Variants in CIRBP observed in about 807,000 individuals in gnomAD.
CIRBP encodes cold inducible RNA binding protein.
In CIRBP, 11 loss-of-function variants were observed where a neutral mutation model predicts 22.3. The observed-to-expected ratio is 0.49, with a 90% confidence interval of 0.31 to 0.82. CIRBP has a LOEUF of 0.82. Among genes scored for constraint, CIRBP ranks in the 40% least tolerant of loss-of-function variants. CIRBP has a pLI of 0.05. For synonymous variants in CIRBP, 216 were observed against 158.8 expected (o/e 1.36, Z -2.71); for missense variants, 456 against 402.7 (o/e 1.13, Z -1.13).
chr19:1,272,018 G>A lies in CIRBP; in HGVS notation c.469G>A (p.Gly157Ser), dbSNP rs369012420. ...TGGTGGCTACAGTGACCGGAGCTCGGGCGGGTCCTACAGAGACAGTTATGA... is the reference window on the plus strand; with the variant it reads ...TGGTGGCTACAGTGACCGGAGCTCGAGCGGGTCCTACAGAGACAGTTATGA... The part of the protein sequence containing the change: ...QSGGYSDRSS[G>S]GSYRDSYDSY... The change falls in exon 6 of 6, where the codon GGC (glycine) becomes AGC (serine). Residue 157 changes from glycine (G) to serine (S), a missense_variant. Physicochemically the swap from Gly to Ser is moderately conservative, Grantham distance 56. This residue lies in a region of CIRBP where 426 missense variants were observed against 339.6 expected (regional missense o/e 1.25). Coordinates refer to ENST00000587896, the MANE Select transcript of CIRBP (RefSeq NM_001300829.2). The A allele has an allele frequency of 4.4e-5, 71 of 1,612,920 alleles. No individual in the cohort carries two copies. The Middle Eastern group carries it at 8.2e-4, about 19-fold the overall frequency.
At chr19:1,270,824 C>G in intron 1 of CIRBP, 104 bp from the exon 2 acceptor site, 1 of 815,236 alleles carries the variant, frequency 1.2e-6, no homozygotes, top group Admixed American at 2.1e-5. Context: ...ATCTGATTTT[C>G]TAATATTTCC....
chr19:1,272,364 C>G lies in CIRBP; in HGVS notation c.815C>G (p.Ser272Cys). 6.2e-7 allele frequency: 1 copy of G among 1,608,986 alleles called. No individual in the cohort carries two copies. The highest frequency in any genetic ancestry group is 1.7e-4 in the Middle Eastern group (1 of 6,040). ...PGRRPRPGLA[S>C]GVKLPLVASV... ...CGCAGGCCGCGCCCTGGTCTGGCCTCTGGGGTGAAGCTGCCTCTTGTTGCT... is the reference window on the plus strand; with the variant it reads ...CGCAGGCCGCGCCCTGGTCTGGCCTGTGGGGTGAAGCTGCCTCTTGTTGCT... Residue 272 changes from serine to cysteine, a missense_variant, in exon 6 of 6, where the codon TCT becomes TGT. Ser to Cys is a moderately radical substitution (Grantham distance 112). Around this residue, in one of 2 missense-constraint regions of CIRBP, gnomAD observed 426 missense variants for 339.6 expected, o/e 1.25. Transcript: ENST00000587896.
At position 1,271,329 on chromosome 19, in the gene CIRBP, T is replaced by C; in HGVS notation, c.211T>C (p.Ser71Pro). ...AACCCGTCCCGCCCTCTGTCTCCAG[T>C]CTGTAGATGGACGGCAGATCCGAGT... ...KDAMMAMNGK[S>P]VDGRQIRVDQ... The change falls in exon 4 of 6, where the codon TCT (serine) becomes CCT (proline). Residue 71 changes from serine to proline, a missense_variant and splice_region_variant. Physicochemically the swap from Ser to Pro is moderately conservative, Grantham distance 74. Transcript: ENST00000587896. The C allele has an allele frequency of 6.2e-7, 1 of 1,613,964 alleles. No individual in the cohort carries two copies.
rs181542504 is a variant in CIRBP at position 1,274,001 on chromosome 19, C to G, written c.*1558C>G. 2 of 267,274 alleles carry G rather than the reference C, an allele frequency of 7.5e-6. No individual in the cohort carries two copies. The highest frequency in any genetic ancestry group is 1.4e-5 in the Non-Finnish European group (2 of 143,294). 16.6% of individuals were successfully genotyped at this position (267,274 alleles called of 1,614,324 possible). A position where few individuals can be genotyped will look rare whatever the true frequency, so the allele number is the denominator to read the frequency against. ...CTTTTGGATTTTTTGCTCAATTGAC[C>G]GTCTTTTCCAGACCTCTTTAAGTCA... On this transcript the variant is annotated 3_prime_UTR_variant, in exon 6 of 6. Coordinates refer to ENST00000587896, the MANE Select transcript of CIRBP (RefSeq NM_001300829.2).
Position 1,271,650 on chromosome 19 carries a change from C to T in CIRBP, c.431+18C>T, listed in dbSNP as rs761651052. 7 of 1,451,608 alleles carry T rather than the reference C, an allele frequency of 4.8e-6. No homozygotes were observed. The East Asian group carries it at 9.1e-5, about 19-fold the overall frequency. 89.9% of individuals were successfully genotyped at this position (1,451,608 alleles called of 1,614,324 possible). On this transcript the variant is annotated intron_variant, in intron 5 of 5. Transcript: ENST00000587896. ...TATAGCAGGTGAGGGGGAGGCCGGC[C>T]CAAGCACAGGGGTGGTTGCGGGATG...
chr19:1,269,731 C>T (rs1028675815), intron 1 of CIRBP: 1 of 369,410 alleles, frequency 2.7e-6, no homozygotes, highest in East Asian at 7.2e-5. Flanking sequence ...CATGCGCACG[C>T]GGCGGGGGCG....
intron 2 of CIRBP, 23 bp downstream of exon 2, chr19:1,271,059 G>T: frequency 6.2e-7 from 1 of 1,611,456 alleles, no homozygotes; most frequent in Non-Finnish European, 8.5e-7. Flanking sequence ...CTGGGCCCGC[G>T]GCCCTGGGCG....
At position 1,271,553 on chromosome 19, in the gene CIRBP, G is replaced by A; in HGVS notation, c.352G>A (p.Gly118Arg). 2 of 1,588,514 alleles carry A rather than the reference G, an allele frequency of 1.3e-6. No homozygotes were observed. The highest frequency in any genetic ancestry group is 1.1e-5 in the South Asian group (1 of 87,672). ...CTCACTTTTTCCTGTATGTGCAGGAGGAGGGGACCGAGGCTATGGGGGGAA... is the reference window on the plus strand; with the variant it reads ...CTCACTTTTTCCTGTATGTGCAGGAAGAGGGGACCGAGGCTATGGGGGGAA... The part of the protein sequence containing the change: ...RGRGRGFSRG[G>R]GDRGYGGNRF... The change falls in exon 5 of 6, where the codon GGA becomes AGA. Residue 118 changes from glycine to arginine, a missense_variant and splice_region_variant. Physicochemically the swap from Gly to Arg is moderately radical, Grantham distance 125. Around this residue, in one of 2 missense-constraint regions of CIRBP, gnomAD observed 426 missense variants for 339.6 expected, o/e 1.25. Coordinates refer to ENST00000587896, the MANE Select transcript of CIRBP (RefSeq NM_001300829.2).
intron 1 of CIRBP, chr19:1,269,726 G>A: frequency 2.8e-6 from 1 of 363,466 alleles, no homozygotes; most frequent in Admixed American, 3.6e-5. Context: ...GGGCGCATGC[G>A]CACGCGGCGG....
rs1167003689 is a variant in CIRBP, at chr19:1,271,990, G to A, written c.441G>A (p.Gln147=). The A allele has an allele frequency of 6.2e-7, 1 of 1,608,142 alleles. No homozygotes were observed. The highest frequency in any genetic ancestry group is 2.2e-5 in the East Asian group (1 of 44,722). Residue 147 remains glutamine, a synonymous_variant, in exon 6 of 6, where the codon CAG becomes CAA. Transcript: ENST00000587896. ...GSRDYYSSRS[Q]SGGYSDRSSG... is the part of the protein sequence containing the mutation. ...TTTGTCTGTCTTGCAGCCGGAGTCA[G>A]AGTGGTGGCTACAGTGACCGGAGCT...
At position 1,273,238 on chromosome 19, in the gene CIRBP, C is replaced by G. The variant is rs1234426300; in HGVS notation, c.*795C>G. 6.6e-6 allele frequency: 1 copy of G among 152,202 alleles called. No homozygotes were observed. Among genetic ancestry groups the G allele is most frequent in the Non-Finnish European group, 1.5e-5 (1 of 68,082 alleles). 9.4% of individuals were successfully genotyped at this position (152,202 alleles called of 1,614,324 possible). On this transcript the variant is annotated 3_prime_UTR_variant, in exon 6 of 6. Coordinates refer to ENST00000587896, the MANE Select transcript of CIRBP (RefSeq NM_001300829.2). ...TTGCTGCGGGCTCCTGCAGCCAGAC[C>G]TGAGCAGAGAGAGAAGGTGGAGAAG...
In CIRBP at chr19:1,271,042, G is replaced by A; in HGVS notation, c.103+6G>A. On this transcript the variant is annotated splice_donor_region_variant and intron_variant, in intron 2 of 5. Coordinates refer to ENST00000587896, the MANE Select transcript of CIRBP (RefSeq NM_001300829.2). Reference sequence around the variant, plus strand: ...GTACGGACAGATCTCTGAAGGTGAGGCTGCTGCTGGGCCCGCGGCCCTGGG... The same window carrying A: ...GTACGGACAGATCTCTGAAGGTGAGACTGCTGCTGGGCCCGCGGCCCTGGG... 6.2e-7 allele frequency: 1 copy of A among 1,613,614 alleles called. No individual in the cohort carries two copies. Among genetic ancestry groups the A allele is most frequent in the Non-Finnish European group, 8.5e-7 (1 of 1,179,648 alleles).
Position 1,271,728 on chromosome 19 carries a change from C to T in CIRBP, c.431+96C>T, listed in dbSNP as rs553757869. 4 of 852,202 alleles carry T rather than the reference C, an allele frequency of 4.7e-6. No homozygotes were observed. The South Asian group carries it at 5.1e-5, about 11-fold the overall frequency. 52.8% of individuals were successfully genotyped at this position (852,202 alleles called of 1,614,324 possible). ...CCTGGGGGAGCTGAGATGAGACTGG[C>T]TGGGCAAGGAGCAGAGGCAGGTGGG... On this transcript the variant is annotated intron_variant, in intron 5 of 5. Transcript: ENST00000587896.
At chr19:1,271,713 CTGAGA>C in intron 5 of CIRBP, 81 bp downstream of exon 5, 1 of 940,106 alleles carries the variant, frequency 1.1e-6, no homozygotes, top group Non-Finnish European at 1.6e-6. Flanking sequence ...CCTGGGGGAG[CTGAGA>C]TGAGACTGGC....
chr19:1,272,253 A>AG lies in CIRBP; in HGVS notation c.705dup (p.Arg236AlafsTer9). On this transcript the variant is annotated frameshift_variant, in exon 6 of 6. Transcript: ENST00000587896. LOFTEE classifies it low-confidence loss of function (END_TRUNC). ...GAGACTGACCAAAAAGGCAAGGGAG[A>AG]GCGAGGGCCCGCTGGGCAGTCAGCT... is the stretch of plus-strand genomic sequence containing the variant. The AG allele has an allele frequency of 6.2e-7, 1 of 1,608,002 alleles. No individual in the cohort carries two copies. Among genetic ancestry groups the AG allele is most frequent in the East Asian group, 2.2e-5 (1 of 44,850 alleles).
chr19:1,269,772 C>A (rs2081303477), intron 1 of CIRBP: 1 of 467,402 alleles, frequency 2.1e-6, no homozygotes, highest in Non-Finnish European at 4.3e-6. Context: ...TCTCCAGGGC[C>A]GCTTTCCCGG....
In CIRBP at chr19:1,274,364, T is replaced by TG. The variant is rs2081388576; in HGVS notation, c.*1925dup. The TG allele has an allele frequency of 5.0e-6, 2 of 401,030 alleles. No individual in the cohort carries two copies. The highest frequency in any genetic ancestry group is 8.8e-6 in the Non-Finnish European group (2 of 226,320). The allele number at this position is 401,030 out of a possible 1,614,324, so 24.8% of individuals were successfully genotyped here. On this transcript the variant is annotated 3_prime_UTR_variant, in exon 6 of 6. Transcript: ENST00000587896. ...GTGGCCTGAGAGCAGCGATGACCTC[T>TG]GGGGTCACTGTCCCAGGAGGGACTT...
chr19:1,270,980 A>C lies in CIRBP; in HGVS notation c.47A>C (p.Asp16Ala), dbSNP rs952098549. ...GKLFVGGLSF[D>A]TNEQSLEQVF... Reference sequence around the variant, plus strand: ...CTTTTTGTTGGAGGGCTGAGTTTTGACACCAATGAGCAGTCGCTGGAGCAG... The same window carrying C: ...CTTTTTGTTGGAGGGCTGAGTTTTGCCACCAATGAGCAGTCGCTGGAGCAG... Residue 16 changes from aspartate to alanine, a missense_variant, in exon 2 of 6, where the codon GAC (aspartate) becomes GCC (alanine). By Grantham distance (126) the Asp-to-Ala change is moderately radical. Around this residue, in one of 2 missense-constraint regions of CIRBP, gnomAD observed 30 missense variants for 63.1 expected, o/e 0.48. Coordinates refer to ENST00000587896, the MANE Select transcript of CIRBP (RefSeq NM_001300829.2). 6.2e-7 allele frequency: 1 copy of C among 1,614,042 alleles called. No individual in the cohort carries two copies. The highest frequency in any genetic ancestry group is 1.7e-5 in the Admixed American group (1 of 60,024).
At chr19:1,271,072 G>C (rs759549134) in intron 2 of CIRBP, 36 bp downstream of exon 2, 1 of 1,611,562 alleles carries the variant, frequency 6.2e-7, no homozygotes, top group East Asian at 2.2e-5. Context: ...CCTGGGCGGG[G>C]GGGCTTGTGC....
Sources: allele counts gnomAD v4.1 joint callset, GRCh38; gene constraint gnomAD v4.1.1; regional missense constraint gnomAD v4.1.1; transcripts MANE v1.5; gene names NCBI Gene and HGNC (gene_info 2026-07-23, HGNC 2026-07-21).